The following SPOCK1 variants were observed in gnomAD, a reference collection of about 807,000 sequenced individuals.
SPOCK1 encodes the protein testican-1.
A neutral mutation model predicts 55.3 loss-of-function variants in SPOCK1; 23 were observed. The ratio of observed to expected loss-of-function variants is 0.42; its 90% CI spans 0.30 to 0.59. The LOEUF is 0.59. Among genes scored for constraint, SPOCK1 ranks in the 20% least tolerant of loss-of-function variants. The pLI is 0.22. For synonymous variants in SPOCK1, 226 were observed against 221.0 expected, an observed-to-expected ratio of 1.02 and a Z score of -0.20; for missense variants, 499 against 552.5, an observed-to-expected ratio of 0.90 and a Z score of 0.97.
intron 2 of SPOCK1, among the ~76,000 whole-genome samples, chr5:137,352,040 A>G (rs773423072): frequency 1.5e-4 from 23 of 152,218 alleles, no homozygotes; most frequent in Non-Finnish European, 3.1e-4. Context: ...CAGACAGGAT[A>G]AGGTTGGAAT....
At chr5:137,292,946 A>G (rs906569009) in intron 2 of SPOCK1, among the ~76,000 whole-genome samples, 2 of 152,134 alleles carry the variant, frequency 1.3e-5, no homozygotes, top group Non-Finnish European at 2.9e-5. Flanking sequence ...AAATAATTTC[A>G]TTTTAATCTT....
chr5:137,370,576 C>T (rs879805978), intron 2 of SPOCK1, among the ~76,000 whole-genome samples: 9 of 152,182 alleles, frequency 5.9e-5, no homozygotes, highest in Admixed American at 5.9e-4. Flanking sequence ...TTAAAGAATG[C>T]ATCATTCAAT....
chr5:137,161,883 A>G (rs1754564407), intron 3 of SPOCK1, among the ~76,000 whole-genome samples: 4 of 152,328 alleles, frequency 2.6e-5, no homozygotes, highest in South Asian at 4.1e-4. Context: ...ATAAGATCCA[A>G]TAGCTGTCAT....
At chr5:137,380,395 G>A (rs911939683) in intron 2 of SPOCK1, among the ~76,000 whole-genome samples, 4 of 152,230 alleles carry the variant, frequency 2.6e-5, no homozygotes, top group African/African-American at 9.6e-5. Flanking sequence ...TGTATCTAAT[G>A]TATGAGTGTG....
chr5:137,140,828 A>G, intron 3 of SPOCK1, 134 bp from the exon 4 acceptor site: 1 of 498,286 alleles, frequency 2.0e-6, no homozygotes, highest in Non-Finnish European at 3.3e-6. Flanking sequence ...GCGCGATCTC[A>G]GCTCACTGCA....
At chr5:137,457,582 C>A (rs1405197340) in intron 2 of SPOCK1, among the ~76,000 whole-genome samples, 1 of 152,164 alleles carries the variant, frequency 6.6e-6, no homozygotes, top group Non-Finnish European at 1.5e-5. Context: ...TGGAGGTATG[C>A]AGTGTGGCAG....
chr5:137,016,197 C>T (rs2126977341), intron 6 of SPOCK1, among the ~76,000 whole-genome samples: 1 of 152,306 alleles, frequency 6.6e-6, no homozygotes, highest in Non-Finnish European at 1.5e-5. Flanking sequence ...CCTTTACAAA[C>T]ATGAACATCC....
chr5:137,050,766 T>C (rs1306763417), intron 6 of SPOCK1, among the ~76,000 whole-genome samples: 2 of 152,178 alleles, frequency 1.3e-5, no homozygotes, highest in Non-Finnish European at 2.9e-5. Context: ...CTAAAAACTG[T>C]CAGAATCAAG....
chr5:137,070,857 C>A, intron 5 of SPOCK1, among the ~76,000 whole-genome samples: 1 of 152,114 alleles, frequency 6.6e-6, no homozygotes, highest in Non-Finnish European at 1.5e-5. Context: ...TCTCTGCAGG[C>A]AGCTCAGTCT....
chr5:137,388,406 G>A (rs536184340), intron 2 of SPOCK1, among the ~76,000 whole-genome samples: 17 of 152,142 alleles, frequency 1.1e-4, no homozygotes, highest in South Asian at 1.0e-3. Flanking sequence ...GTGGCGGGAG[G>A]GAGGGGGGGA....
rs546003424 is a variant in SPOCK1 at position 137,345,460 on chromosome 5, T to C, written c.187-78405A>G. Among the ~76,000 whole-genome samples the C allele has an allele frequency of 7.9e-5, 12 of 152,322 alleles. No homozygotes were observed. The East Asian group carries it at 2.3e-3, about 29-fold the overall frequency. On this transcript the variant is annotated intron_variant, in intron 2 of 10. Transcript: ENST00000394945. ...AGAGATGGGCATTACCTGGATTCCATACTTCAGTGTTAACCAAATTTGCTC... is the reference window on the plus strand; with the variant it reads ...AGAGATGGGCATTACCTGGATTCCACACTTCAGTGTTAACCAAATTTGCTC...
intron 3 of SPOCK1, among the ~76,000 whole-genome samples, chr5:137,152,550 C>T (rs1754337814): frequency 6.6e-6 from 1 of 152,146 alleles, no homozygotes; most frequent in African/African-American, 2.4e-5. Context: ...ATACTGATCA[C>T]CTAACAGGTA....
chr5:136,983,619 C>CAAAAAAAAA (rs11364379), intron 9 of SPOCK1, among the ~76,000 whole-genome samples: 21,239 of 132,580 alleles, frequency 0.16, 1,974 homozygotes, highest in Non-Finnish European at 0.24. Flanking sequence ...CTCCTTGGAC[C>CAAAAAAAAA]AAAAAAAAAA....
At chr5:137,334,811 T>G (rs1161375109) in intron 2 of SPOCK1, among the ~76,000 whole-genome samples, 1 of 152,148 alleles carries the variant, frequency 6.6e-6, no homozygotes, top group Non-Finnish European at 1.5e-5. Context: ...ACAGGAGAGA[T>G]GCTCACAGCC....
At position 137,461,226 on chromosome 5, in the gene SPOCK1, G is replaced by T. The variant is rs189293722; in HGVS notation, c.186+37147C>A. 1.0e-3 allele frequency among the ~76,000 whole-genome samples: 152 copies of T among 152,264 alleles called. 1 individual carries two copies. In the East Asian group the frequency reaches 0.024, roughly 24 times the overall value. On this transcript the variant is annotated intron_variant, in intron 2 of 10. Transcript: ENST00000394945. ...AATAATTAATCAGTCCGTGTCTTGGGAGATCCACGAAACTTTACCTCCCTG... is the reference window on the plus strand; with the variant it reads ...AATAATTAATCAGTCCGTGTCTTGGTAGATCCACGAAACTTTACCTCCCTG...
intron 2 of SPOCK1, among the ~76,000 whole-genome samples, chr5:137,398,778 C>G (rs1426185800): frequency 1.3e-5 from 2 of 152,166 alleles, no homozygotes; most frequent in African/African-American, 4.8e-5. Flanking sequence ...AATACTATAA[C>G]ACTTGTTTAT....
chr5:137,023,496 G>T (rs1037599374), intron 6 of SPOCK1, among the ~76,000 whole-genome samples: 4 of 152,064 alleles, frequency 2.6e-5, no homozygotes, highest in African/African-American at 9.7e-5. Flanking sequence ...GGTGTGATAG[G>T]CTAACTATTG....
At chr5:137,387,056 A>G (rs917404626) in intron 2 of SPOCK1, among the ~76,000 whole-genome samples, 1 of 152,238 alleles carries the variant, frequency 6.6e-6, no homozygotes, top group African/African-American at 2.4e-5. Context: ...CTATGAAAAG[A>G]TGCTTCACAT....
intron 3 of SPOCK1, among the ~76,000 whole-genome samples, chr5:137,229,301 C>T (rs1388196803): frequency 6.6e-6 from 1 of 152,096 alleles, no homozygotes; most frequent in African/African-American, 2.4e-5. Context: ...GTGAAGGAAA[C>T]TCAATGTGAA....
Sources: allele counts gnomAD v4.1 joint callset (sites outside exome capture counted in the v4.1 genomes callset), GRCh38; gene constraint gnomAD v4.1.1; transcripts MANE v1.5; gene names NCBI Gene and HGNC (gene_info 2026-07-23, HGNC 2026-07-21).